The following KCTD3 variants were observed in gnomAD, a reference collection of about 807,000 sequenced individuals.
KCTD3 encodes BTB/POZ domain-containing protein KCTD3.
In KCTD3, 41 loss-of-function variants were observed where a neutral mutation model predicts 85.8. That is an observed-to-expected ratio of 0.48 (90% CI 0.37 to 0.62). The LOEUF is 0.62. KCTD3 is among the 20% of genes least tolerant of loss of function. KCTD3 has a pLI of 0.00. For missense variants in KCTD3, 724 were observed against 989.9 expected, an observed-to-expected ratio of 0.73 and a Z score of 3.60; for synonymous variants, 338 against 345.4, an observed-to-expected ratio of 0.98 and a Z score of 0.24.
At chr1:215,617,923 C>T (rs890739258) in intron 15 of KCTD3, among the ~76,000 whole-genome samples, 1 of 150,494 alleles carries the variant, frequency 6.6e-6, no homozygotes, top group African/African-American at 2.4e-5. Flanking sequence ...TTTACTGCCT[C>T]TAGTCAGATT....
At chr1:215,616,115 A>G (rs1483782768) in intron 15 of KCTD3, among the ~76,000 whole-genome samples, 1 of 152,140 alleles carries the variant, frequency 6.6e-6, no homozygotes, top group Non-Finnish European at 1.5e-5. Flanking sequence ...TTGGGGAAAA[A>G]GAAGATTGTC....
chr1:215,612,051 T>G (rs1294353676), intron 15 of KCTD3, 130 bp downstream of exon 15: 1 of 616,050 alleles, frequency 1.6e-6, no homozygotes, highest in Non-Finnish European at 2.9e-6. Flanking sequence ...GTCTGTTATC[T>G]CATAATCATA....
rs1038359197 is a variant in KCTD3 at position 215,615,305 on chromosome 1, T to G, written c.1562+3384T>G. Reference sequence around the variant, plus strand: ...GCAAGAAAAAACCTTGTAGAAAATTTTAAATAAAGGAGTAGTTTTAAGAAA... The same window carrying G: ...GCAAGAAAAAACCTTGTAGAAAATTGTAAATAAAGGAGTAGTTTTAAGAAA... On this transcript the variant is annotated intron_variant, in intron 15 of 17. Coordinates refer to ENST00000259154, the MANE Select transcript of KCTD3 (RefSeq NM_016121.5). Among the ~76,000 whole-genome samples, 20 of 152,106 alleles carry G rather than the reference T, an allele frequency of 1.3e-4. 1 individual carries two copies. In the East Asian group the frequency reaches 3.3e-3, roughly 25 times the overall value.
rs76608456 is a variant in KCTD3 at position 215,569,068 on chromosome 1, C to A, written c.83+1300C>A. On this transcript the variant is annotated intron_variant, in intron 1 of 17. Coordinates refer to ENST00000259154, the MANE Select transcript of KCTD3 (RefSeq NM_016121.5). The stretch of plus-strand genomic sequence containing the variant: ...GAGTAGCAGTATAATCATTTACAAT[C>A]CCTACACTGGTTTCTACTTGCTATT... 5.8e-3 allele frequency among the ~76,000 whole-genome samples: 876 copies of A among 152,154 alleles called. 5 individuals are homozygous for A. The highest frequency in any genetic ancestry group is 0.02 in the African/African-American group (833 of 41,522).
At chr1:215,605,562 T>C (rs1465493156) in intron 13 of KCTD3, among the ~76,000 whole-genome samples, 1 of 152,160 alleles carries the variant, frequency 6.6e-6, no homozygotes, top group African/African-American at 2.4e-5. Flanking sequence ...TTCCTCCACC[T>C]GTGACCATCC....
At chr1:215,577,134 C>CT (rs958720705) in intron 4 of KCTD3, among the ~76,000 whole-genome samples, 116 of 142,760 alleles carry the variant, frequency 8.1e-4, no homozygotes, top group Middle Eastern at 7.2e-3. Context: ...CAAGGCTAGT[C>CT]TTTTTTTTTT....
At chr1:215,619,998 T>C in intron 17 of KCTD3, 59 bp from the exon 18 acceptor site, 2 of 1,265,964 alleles carry the variant, frequency 1.6e-6, no homozygotes, top group Non-Finnish European at 2.2e-6. Context: ...ATAATTAATA[T>C]GTTCCTGAGA....
chr1:215,572,168 A>AT (rs1558226594), intron 1 of KCTD3, among the ~76,000 whole-genome samples: 1 of 152,224 alleles, frequency 6.6e-6, no homozygotes, highest in African/African-American at 2.4e-5. Flanking sequence ...GTACAGAAGA[A>AT]TCAAGTCTCC....
intron 14 of KCTD3, among the ~76,000 whole-genome samples, chr1:215,608,417 A>G (rs1208072083): frequency 6.6e-6 from 1 of 151,878 alleles, no homozygotes; most frequent in Non-Finnish European, 1.5e-5. Flanking sequence ...TTCATCATTT[A>G]AAGAATGTCA....
intron 1 of KCTD3, among the ~76,000 whole-genome samples, chr1:215,570,482 GCCATTGAGGA>G (rs1367864089): frequency 6.6e-6 from 1 of 152,152 alleles, no homozygotes; most frequent in Non-Finnish European, 1.5e-5. Context: ...GCTGGGACTA[GCCATTGAGGA>G]CTCCTGGACA....
At chr1:215,577,858 A>T (rs759506092) in intron 5 of KCTD3, 130 bp downstream of exon 5, 4 of 1,371,202 alleles carry the variant, frequency 2.9e-6, no homozygotes, top group Non-Finnish European at 2.0e-6. Context: ...GTGGATTTTC[A>T]TAGTAAAAAG....
chr1:215,570,377 G>A (rs1006612001), intron 1 of KCTD3, among the ~76,000 whole-genome samples: 5 of 152,062 alleles, frequency 3.3e-5, no homozygotes, highest in Admixed American at 2.0e-4. Context: ...GTTAGTATTC[G>A]TTATTTACAA....
Position 215,620,557 on chromosome 1 carries a change from A to G in KCTD3, c.2387A>G (p.Lys796Arg), listed in dbSNP as rs1243944985. The change falls in exon 18 of 18, where the codon AAG (lysine) becomes AGG (arginine). Residue 796 changes from lysine (K) to arginine (R), a missense_variant. Coordinates refer to ENST00000259154, the MANE Select transcript of KCTD3 (RefSeq NM_016121.5). ...GGTACTGCGTCCCCATCTCCTACAA[A>G]GACTACTCCATCTCCTCGGCATAAA... ...SPGTASPSPT[K>R]TTPSPRHKKS... 1 of 1,613,156 alleles carries G rather than the reference A, an allele frequency of 6.2e-7. No homozygotes were observed. Among genetic ancestry groups the G allele is most frequent in the African/African-American group, 1.3e-5 (1 of 75,006 alleles).
At chr1:215,588,318 T>A (rs1274660800) in intron 9 of KCTD3, among the ~76,000 whole-genome samples, 1 of 152,090 alleles carries the variant, frequency 6.6e-6, no homozygotes, top group Non-Finnish European at 1.5e-5. Flanking sequence ...ATTAAGTTTT[T>A]ATCAGTACAA....
chr1:215,600,268 A>G (rs755220959), intron 10 of KCTD3, among the ~76,000 whole-genome samples: 5 of 152,224 alleles, frequency 3.3e-5, no homozygotes. Flanking sequence ...AGGATTATAT[A>G]CAGGAAGAGC....
chr1:215,592,132 C>T (rs891769481), intron 9 of KCTD3, among the ~76,000 whole-genome samples: 12 of 152,184 alleles, frequency 7.9e-5, no homozygotes, highest in African/African-American at 2.9e-4. Flanking sequence ...AGTCATTTCC[C>T]ATGGGGTTCC....
intron 7 of KCTD3, 96 bp from the exon 8 acceptor site, chr1:215,579,813 A>AT: frequency 1.2e-6 from 1 of 825,770 alleles, no homozygotes; most frequent in Non-Finnish European, 2.0e-6. Context: ...CAAAACTATT[A>AT]ACCAAAACAG....
intron 10 of KCTD3, among the ~76,000 whole-genome samples, chr1:215,597,067 A>T (rs1654596366): frequency 6.6e-6 from 1 of 152,202 alleles, no homozygotes; most frequent in South Asian, 2.1e-4. Context: ...GATCCCATGT[A>T]GTTCTTTAGT....
chr1:215,616,189 G>A lies in KCTD3; in HGVS notation c.1563-2697G>A, dbSNP rs377002113. On this transcript the variant is annotated intron_variant, in intron 15 of 17. Coordinates refer to ENST00000259154, the MANE Select transcript of KCTD3 (RefSeq NM_016121.5). ...TCTGAGGGTATTTTCTGAGACCCAAGTTTTCATATGCATACAAATGTTGAT... is the reference window on the plus strand; with the variant it reads ...TCTGAGGGTATTTTCTGAGACCCAAATTTTCATATGCATACAAATGTTGAT... Among the ~76,000 whole-genome samples, 12 of 152,276 alleles carry A rather than the reference G, an allele frequency of 7.9e-5. No homozygotes were observed. The South Asian group carries it at 1.0e-3, about 13-fold the overall frequency.
Sources: allele counts gnomAD v4.1 joint callset (sites outside exome capture counted in the v4.1 genomes callset), GRCh38; gene constraint gnomAD v4.1.1; transcripts MANE v1.5; gene names NCBI Gene and HGNC (gene_info 2026-07-23, HGNC 2026-07-21).